Variants in TNFRSF10B observed in about 807,000 individuals in gnomAD.
TNFRSF10B encodes the protein tumor necrosis factor receptor superfamily member 10B.
A neutral mutation model predicts 41.4 loss-of-function variants in TNFRSF10B; 35 were observed. That is an observed-to-expected ratio of 0.85 (90% CI 0.65 to 1.12). The LOEUF is 1.12. Ranked by LOEUF, TNFRSF10B falls within the 50% of genes most tolerant of loss-of-function variation. The pLI is 0.00. For synonymous variants in TNFRSF10B, 230 were observed against 215.5 expected (o/e 1.07, Z -0.59); for missense variants, 584 against 552.7 (o/e 1.06, Z -0.57).
Position 23,043,217 on chromosome 8 carries a change from G to C in TNFRSF10B, c.171C>G (p.Thr57=). 1 of 1,614,082 alleles carries C rather than the reference G, an allele frequency of 6.2e-7. No homozygotes were observed. Among genetic ancestry groups the C allele is most frequent in the Non-Finnish European group, 8.5e-7 (1 of 1,180,026 alleles). Residue 57 remains threonine (T), a synonymous_variant, in exon 2 of 9, where the codon ACC becomes ACG. Coordinates refer to ENST00000276431, the MANE Select transcript of TNFRSF10B (RefSeq NM_003842.5). ...LLVSAESALI[T]QQDLAPQQRA... is the part of the protein sequence containing the mutation. The stretch of plus-strand genomic sequence containing the variant: ...TCTGCTGGGGAGCTAGGTCTTGTTG[G>C]GTGATCAGAGCAGACTCAGCTGAGA...
intron 1 of TNFRSF10B, among the ~76,000 whole-genome samples, chr8:23,053,551 T>C (rs915227082): frequency 1.3e-5 from 2 of 152,188 alleles, no homozygotes; most frequent in Admixed American, 6.6e-5. Context: ...TGTAAATGTA[T>C]TGGCTAAAAT....
At position 23,022,575 on chromosome 8, in the gene TNFRSF10B, C is replaced by A. The variant is rs755758498; in HGVS notation, c.*96G>T. ...GTTTCTTCCAGTACCGGTCATGTGA[C>A]AATTGTGGCACTTTCCTACTGACTG... On this transcript the variant is annotated 3_prime_UTR_variant, in exon 9 of 9. Coordinates refer to ENST00000276431, the MANE Select transcript of TNFRSF10B (RefSeq NM_003842.5). 3.7e-6 allele frequency: 5 copies of A among 1,346,842 alleles called. No individual in the cohort carries two copies. Among genetic ancestry groups the A allele is most frequent in the Non-Finnish European group, 2.1e-6 (2 of 951,380 alleles). 83.4% of individuals were successfully genotyped at this position (1,346,842 alleles called of 1,614,324 possible). A position where few individuals can be genotyped will look rare whatever the true frequency, so the allele number is the denominator to read the frequency against.
chr8:23,032,883 A>G (rs973050616), intron 2 of TNFRSF10B, among the ~76,000 whole-genome samples: 1 of 152,220 alleles, frequency 6.6e-6, no homozygotes, highest in African/African-American at 2.4e-5. Flanking sequence ...TCCAAGCAGG[A>G]TAAGTTAAAA....
chr8:23,057,808 C>T (rs1812715321), intron 1 of TNFRSF10B, among the ~76,000 whole-genome samples: 1 of 152,176 alleles, frequency 6.6e-6, no homozygotes, highest in African/African-American at 2.4e-5. Context: ...ACAAAGGTCC[C>T]TTTTCATGTC....
At chr8:23,029,533 G>GA in intron 4 of TNFRSF10B, 77 bp downstream of exon 4, 1 of 1,418,752 alleles carries the variant, frequency 7.0e-7, no homozygotes, top group Non-Finnish European at 9.7e-7. Context: ...GCTGTCAGGG[G>GA]AGAGACAGGG....
chr8:23,021,214 A>G lies in TNFRSF10B; in HGVS notation c.*1457T>C, dbSNP rs1277406974. The G allele has an allele frequency of 2.2e-6, 1 of 454,172 alleles. No individual in the cohort carries two copies. The highest frequency in any genetic ancestry group is 4.4e-6 in the Non-Finnish European group (1 of 226,794). 28.1% of individuals were successfully genotyped at this position (454,172 alleles called of 1,614,324 possible). A position where few individuals can be genotyped will look rare whatever the true frequency, so the allele number is the denominator to read the frequency against. ...TAAAACAATAATAGAACAGGACACA[A>G]GAAGAAAACCTTAATGCGTCAGCCA... On this transcript the variant is annotated 3_prime_UTR_variant, in exon 9 of 9. Coordinates refer to ENST00000276431, the MANE Select transcript of TNFRSF10B (RefSeq NM_003842.5).
At chr8:23,059,459 C>G (rs79854724) in intron 1 of TNFRSF10B, among the ~76,000 whole-genome samples, 1 of 152,148 alleles carries the variant, frequency 6.6e-6, no homozygotes, top group Non-Finnish European at 1.5e-5. Flanking sequence ...TAACAGGGCA[C>G]GAGGGTTCCA....
chr8:23,027,059 T>A lies in TNFRSF10B; in HGVS notation c.936+74A>T, dbSNP rs1478018866. 3 of 1,608,746 alleles carry A rather than the reference T, an allele frequency of 1.9e-6. No homozygotes were observed. In the East Asian group the frequency reaches 6.7e-5, roughly 36 times the overall value. On this transcript the variant is annotated intron_variant, in intron 7 of 8. Transcript: ENST00000276431. ...CCCTGGGCCAGGAGAGCTAAGGCAC[T>A]GCCCTCTCCCACTGTCTACGAAATC...
At chr8:23,024,396 A>G in intron 7 of TNFRSF10B, 136 bp from the exon 8 acceptor site, 1 of 926,228 alleles carries the variant, frequency 1.1e-6, no homozygotes, top group Middle Eastern at 2.1e-4. Flanking sequence ...TGGCAACAAG[A>G]CAGGAGACAA....
At chr8:23,031,548 G>A (rs983354143) in intron 2 of TNFRSF10B, among the ~76,000 whole-genome samples, 1 of 151,834 alleles carries the variant, frequency 6.6e-6, no homozygotes, top group African/African-American at 2.4e-5. Context: ...CCACCACACC[G>A]GGTTAATTTT....
chr8:23,054,999 A>C (rs905201263), intron 1 of TNFRSF10B, among the ~76,000 whole-genome samples: 1 of 152,222 alleles, frequency 6.6e-6, no homozygotes, highest in Admixed American at 6.5e-5. Flanking sequence ...TTATGTTTCA[A>C]AAATTATAGT....
intron 1 of TNFRSF10B, among the ~76,000 whole-genome samples, chr8:23,065,162 C>T (rs930675482): frequency 5.9e-5 from 9 of 152,162 alleles, no homozygotes; most frequent in Admixed American, 5.2e-4. Context: ...TTTGTCCTTC[C>T]CCAACCCAGG....
At chr8:23,030,977 A>G (rs1303375434) in intron 2 of TNFRSF10B, 105 bp from the exon 3 acceptor site, 1 of 791,364 alleles carries the variant, frequency 1.3e-6, no homozygotes, top group Non-Finnish European at 2.2e-6. Flanking sequence ...GAACCAAAAG[A>G]GGGAAATCTC....
intron 2 of TNFRSF10B, among the ~76,000 whole-genome samples, chr8:23,039,758 T>C (rs1312725347): frequency 1.3e-5 from 2 of 152,158 alleles, no homozygotes; most frequent in East Asian, 3.8e-4. Context: ...ATGTGATCTA[T>C]GACAGCAACA....
At chr8:23,043,896 T>G (rs1184775597) in intron 1 of TNFRSF10B, among the ~76,000 whole-genome samples, 1 of 152,238 alleles carries the variant, frequency 6.6e-6, no homozygotes, top group African/African-American at 2.4e-5. Context: ...ATGACACACC[T>G]GGCCTATATG....
chr8:23,039,307 C>T (rs1244826142), intron 2 of TNFRSF10B, among the ~76,000 whole-genome samples: 3 of 151,906 alleles, frequency 2.0e-5, no homozygotes, highest in African/African-American at 7.3e-5. Flanking sequence ...GTCAGGGGCC[C>T]CTGCTCTAGA....
intron 1 of TNFRSF10B, among the ~76,000 whole-genome samples, chr8:23,064,887 C>T (rs934306675): frequency 2.0e-5 from 3 of 152,122 alleles, no homozygotes; most frequent in South Asian, 2.1e-4. Context: ...CTGATTAGTA[C>T]GATCATTACC....
At chr8:23,035,018 T>C (rs867378169) in intron 2 of TNFRSF10B, among the ~76,000 whole-genome samples, 5 of 152,348 alleles carry the variant, frequency 3.3e-5, no homozygotes, top group African/African-American at 1.2e-4. Flanking sequence ...TTGTTGGTCA[T>C]ACCTGTCAAT....
In TNFRSF10B at chr8:23,020,931, G is replaced by A. The variant is rs893156165; in HGVS notation, c.*1740C>T. The stretch of plus-strand genomic sequence containing the variant: ...CGCGTGGGATGCCAGATGGAAGTGG[G>A]AGAGGATGGAAGTGCAAAGACCAGA... On this transcript the variant is annotated 3_prime_UTR_variant, in exon 9 of 9. Transcript: ENST00000276431. 3 of 453,980 alleles carry A rather than the reference G, an allele frequency of 6.6e-6. No homozygotes were observed. The highest frequency in any genetic ancestry group is 2.4e-5 in the Admixed American group (1 of 42,546). 28.1% of individuals were successfully genotyped at this position (453,980 alleles called of 1,614,324 possible).
Sources: gnomAD v4.1 joint callset for allele counts (sites outside exome capture counted in the v4.1 genomes callset) on GRCh38, gnomAD v4.1.1 for gene constraint, MANE v1.5 for transcripts, NCBI Gene and HGNC (gene_info 2026-07-23, HGNC 2026-07-21) for gene names.